TFCP2: variants seen among roughly 807,000 people sequenced by gnomAD.
TFCP2 encodes the protein alpha-globin transcription factor CP2.
Under a neutral mutation model 73.4 loss-of-function variants are expected in TFCP2, and 33 were observed. That is an observed-to-expected ratio of 0.45 (90% CI 0.34 to 0.60). The LOEUF is 0.60. TFCP2 is among the 20% of genes least tolerant of loss of function. TFCP2 has a pLI of 0.01. For missense variants in TFCP2, 352 were observed against 604.0 expected (o/e 0.58, Z 4.37); for synonymous variants, 193 against 211.6 (o/e 0.91, Z 0.76).
At chr12:51,150,709 G>A (rs1213114066) in intron 1 of TFCP2, among the ~76,000 whole-genome samples, 4 of 152,136 alleles carry the variant, frequency 2.6e-5, no homozygotes, top group Non-Finnish European at 4.4e-5. Context: ...CAACAAAAGG[G>A]CAAAAATCAG....
At chr12:51,118,797 T>G in intron 1 of TFCP2, 25 bp from the exon 2 acceptor site, 1 of 1,612,184 alleles carries the variant, frequency 6.2e-7, no homozygotes, top group Non-Finnish European at 8.5e-7. Flanking sequence ...ATGACTCACA[T>G]TAATACCTGG....
intron 1 of TFCP2, among the ~76,000 whole-genome samples, chr12:51,164,117 C>T (rs1344164624): frequency 6.6e-6 from 1 of 152,018 alleles, no homozygotes; most frequent in Non-Finnish European, 1.5e-5. Flanking sequence ...GTAGGAGGAT[C>T]ACTTGAGCCC....
At chr12:51,139,058 T>G (rs926214904) in intron 1 of TFCP2, among the ~76,000 whole-genome samples, 1 of 152,190 alleles carries the variant, frequency 6.6e-6, no homozygotes, top group Non-Finnish European at 1.5e-5. Flanking sequence ...CCCCTTGTCT[T>G]TTATAGACAG....
intron 1 of TFCP2, among the ~76,000 whole-genome samples, chr12:51,141,103 A>AT (rs3053456): frequency 0.3 from 44,500 of 149,296 alleles, 6,841 homozygotes; most frequent in South Asian, 0.36. Context: ...TATTTTTTAC[A>AT]TTTTTTTTGG....
chr12:51,142,953 A>G (rs1941222484), intron 1 of TFCP2, among the ~76,000 whole-genome samples: 1 of 151,776 alleles, frequency 6.6e-6, no homozygotes, highest in South Asian at 2.1e-4. Context: ...ACTCAACCCA[A>G]CTGTAACTCC....
intron 1 of TFCP2, among the ~76,000 whole-genome samples, chr12:51,148,569 G>A (rs989294525): frequency 2.6e-5 from 4 of 151,804 alleles, no homozygotes; most frequent in African/African-American, 4.8e-5. Context: ...GCGTGGTGGC[G>A]GGCGCCTGTA....
chr12:51,122,933 T>C (rs1410394942), intron 1 of TFCP2, among the ~76,000 whole-genome samples: 1 of 152,256 alleles, frequency 6.6e-6, no homozygotes, highest in African/African-American at 2.4e-5. Context: ...CATCTGATGA[T>C]TCCTTAAAAG....
intron 11 of TFCP2, among the ~76,000 whole-genome samples, chr12:51,101,221 C>A (rs906081079): frequency 1.3e-5 from 2 of 152,180 alleles, no homozygotes; most frequent in African/African-American, 4.8e-5. Context: ...AGGAGAATGG[C>A]GTGAACCCGG....
rs535183019 is a variant in TFCP2 at position 51,095,383 on chromosome 12, G to T, written c.1472-105C>A. On this transcript the variant is annotated intron_variant, in intron 14 of 14. Transcript: ENST00000257915. ...CTCGTGAGAAGGGGAGAAAAGGGAGGTGGAGGTTGCAGTGAGCTGAGATCA... is the reference window on the plus strand; with the variant it reads ...CTCGTGAGAAGGGGAGAAAAGGGAGTTGGAGGTTGCAGTGAGCTGAGATCA... The T allele has an allele frequency of 3.7e-4, 470 of 1,269,454 alleles. 2 individuals carry two copies. The highest frequency in any genetic ancestry group is 1.2e-3 in the South Asian group (103 of 83,690). The allele number at this position is 1,269,454 out of a possible 1,614,324, so 78.6% of individuals were successfully genotyped here. A position where few individuals can be genotyped will look rare whatever the true frequency, so the allele number is the denominator to read the frequency against.
At chr12:51,155,572 C>A (rs1941519333) in intron 1 of TFCP2, among the ~76,000 whole-genome samples, 1 of 152,216 alleles carries the variant, frequency 6.6e-6, no homozygotes, top group Non-Finnish European at 1.5e-5. Flanking sequence ...TTGATAGCAG[C>A]CATCCTAATG....
At chr12:51,159,015 A>G (rs1242167552) in intron 1 of TFCP2, among the ~76,000 whole-genome samples, 6 of 147,510 alleles carry the variant, frequency 4.1e-5, no homozygotes, top group Admixed American at 3.4e-4. Context: ...TCCAAAAAAA[A>G]AAAAAAAAAA....
At chr12:51,124,870 C>T in intron 1 of TFCP2, 2 of 1,267,334 alleles carry the variant, frequency 1.6e-6, no homozygotes, top group Non-Finnish European at 1.1e-6. Context: ...GCTTCCACTG[C>T]TTCTGTGAAC....
intron 1 of TFCP2, among the ~76,000 whole-genome samples, chr12:51,157,630 C>G (rs1265207769): frequency 6.6e-6 from 1 of 151,482 alleles, no homozygotes; most frequent in Non-Finnish European, 1.5e-5. Context: ...GGGTAATATT[C>G]CCACTTTCAT....
chr12:51,098,565 G>A (rs371756533), intron 13 of TFCP2, among the ~76,000 whole-genome samples: 20 of 152,000 alleles, frequency 1.3e-4, no homozygotes, highest in Admixed American at 9.8e-4. Flanking sequence ...GGAGGAGGTC[G>A]CAGTGACCTG....
At chr12:51,147,358 A>T (rs1020859126) in intron 1 of TFCP2, among the ~76,000 whole-genome samples, 1 of 152,090 alleles carries the variant, frequency 6.6e-6, no homozygotes, top group African/African-American at 2.4e-5. Flanking sequence ...AGAAAGAAAG[A>T]AAGAAAATTA....
intron 4 of TFCP2, among the ~76,000 whole-genome samples, chr12:51,115,322 A>G (rs986487099): frequency 1.3e-4 from 20 of 151,964 alleles, no homozygotes; most frequent in Admixed American, 5.9e-4. Context: ...GGGTTTCACC[A>G]TGTTAGCCAG....
Position 51,172,424 on chromosome 12 carries a change from C to G in TFCP2, c.-2G>C. 2 of 1,614,106 alleles carry G rather than the reference C, an allele frequency of 1.2e-6. No homozygotes were observed. The highest frequency in any genetic ancestry group is 8.5e-7 in the Non-Finnish European group (1 of 1,180,012). On this transcript the variant is annotated 5_prime_UTR_variant, in exon 1 of 15. Coordinates refer to ENST00000257915, the MANE Select transcript of TFCP2 (RefSeq NM_005653.5). ...AGGCAGCTTCAGAGCCCAGGCCATC[C>G]TGGCTCCTTCCTTGCCCCAGGAGAC...
chr12:51,161,835 C>A (rs1592841078), intron 1 of TFCP2, among the ~76,000 whole-genome samples: 2 of 130,094 alleles, frequency 1.5e-5, no homozygotes, highest in East Asian at 2.3e-4. Context: ...ACCTACTAGA[C>A]AAAGATTTTA....
At chr12:51,108,077 G>A (rs957256240) in intron 6 of TFCP2, among the ~76,000 whole-genome samples, 5 of 151,714 alleles carry the variant, frequency 3.3e-5, no homozygotes, top group Non-Finnish European at 7.4e-5. Context: ...CTGAGGTCAG[G>A]AGTTCGAGAC....
Sources: allele counts gnomAD v4.1 joint callset (sites outside exome capture counted in the v4.1 genomes callset), GRCh38; gene constraint gnomAD v4.1.1; transcripts MANE v1.5; gene names NCBI Gene and HGNC (gene_info 2026-07-23, HGNC 2026-07-21).